IGF2R: variants seen among roughly 807,000 people sequenced by gnomAD.
The protein encoded by IGF2R is insulin like growth factor 2 receptor.
IGF2R carries 91 observed loss-of-function variants against 270.6 expected under a neutral mutation model. The ratio of observed to expected loss-of-function variants is 0.34; its 90% CI spans 0.28 to 0.40. IGF2R has a LOEUF of 0.40. IGF2R is among the 10% of genes least tolerant of loss of function. The pLI is 1.00. For synonymous variants in IGF2R, 1,316 were observed against 1,258.9 expected, an observed-to-expected ratio of 1.05 and a Z score of -0.96; for missense variants, 2,805 against 3,188.3, an observed-to-expected ratio of 0.88 and a Z score of 2.90.
intron 19 of IGF2R, among the ~76,000 whole-genome samples, chr6:160,055,821 G>T (rs1399343458): frequency 6.6e-6 from 1 of 152,186 alleles, no homozygotes; most frequent in East Asian, 1.9e-4. Context: ...AGCTACCATT[G>T]CCTGTGTGGT....
At chr6:160,020,483 G>A (rs1777407749) in intron 4 of IGF2R, among the ~76,000 whole-genome samples, 1 of 152,078 alleles carries the variant, frequency 6.6e-6, no homozygotes, top group African/African-American at 2.4e-5. Flanking sequence ...AATCTTAATA[G>A]CCAAACCAAT....
chr6:160,017,569 G>T (rs1175433406), intron 4 of IGF2R, among the ~76,000 whole-genome samples: 1 of 152,158 alleles, frequency 6.6e-6, no homozygotes, highest in African/African-American at 2.4e-5. Flanking sequence ...CCATGAGACT[G>T]TATGAGGTCA....
intron 44 of IGF2R, chr6:160,093,080 C>T (rs1779265981): frequency 2.0e-5 from 3 of 152,628 alleles, no homozygotes; most frequent in African/African-American, 7.2e-5. Flanking sequence ...AACCAAGATG[C>T]ACACAGGGCA....
rs372347541 is a variant in IGF2R, at chr6:160,050,632, G to T, written c.2674G>T (p.Val892Phe). 6.2e-7 allele frequency: 1 copy of T among 1,608,574 alleles called. No individual in the cohort carries two copies. The highest frequency in any genetic ancestry group is 8.5e-7 in the Non-Finnish European group (1 of 1,175,632). The change falls in exon 19 of 48, where the codon GTC becomes TTC. Residue 892 changes from valine to phenylalanine, a missense_variant. Val to Phe is a conservative substitution (Grantham distance 50, BLOSUM62 -1). This residue lies in a region of IGF2R where 1,851 missense variants were observed against 2,207.2 expected (regional missense o/e 0.84). Coordinates refer to ENST00000356956, the MANE Select transcript of IGF2R (RefSeq NM_000876.4). This position sits in a 1 kb window ranked among gnomAD's most constrained non-coding sequence, Gnocchi z 4.0. ...CACATATACCACGAGGATCCATCTC[G>T]TCTGCTCCAGGGGCAGGCTGGTAAG... ...QTTYTTRIHL[V>F]CSRGRLNSHP...
intron 4 of IGF2R, among the ~76,000 whole-genome samples, chr6:160,013,690 C>T (rs1356356986): frequency 1.3e-5 from 2 of 152,034 alleles, no homozygotes; most frequent in Admixed American, 6.6e-5. Context: ...TTTCAGGGAG[C>T]CTATAGACTA....
intron 1 of IGF2R, among the ~76,000 whole-genome samples, chr6:159,979,140 G>A (rs1166649930): frequency 1.3e-5 from 2 of 152,192 alleles, no homozygotes; most frequent in African/African-American, 4.8e-5. Context: ...TGGGAGGAGA[G>A]AGCTCCTTCA....
chr6:159,977,864 C>T (rs1783718629), intron 1 of IGF2R, among the ~76,000 whole-genome samples: 1 of 151,606 alleles, frequency 6.6e-6, no homozygotes, highest in Non-Finnish European at 1.5e-5. Flanking sequence ...GGGATGCTAA[C>T]CGTGTTGTAG....
chr6:160,039,974 C>T (rs1471276372), intron 10 of IGF2R, among the ~76,000 whole-genome samples: 2 of 152,162 alleles, frequency 1.3e-5, no homozygotes, highest in East Asian at 3.9e-4. Context: ...CACAGAATTT[C>T]AGCACTGTTT....
intron 34 of IGF2R, 133 bp downstream of exon 34, chr6:160,073,602 G>A (rs1231054534): frequency 8.5e-7 from 1 of 1,180,038 alleles, no homozygotes; most frequent in African/African-American, 1.5e-5. Flanking sequence ...CAATAATAAA[G>A]TTGACTGGAA....
At chr6:159,984,961 G>A (rs967388439) in intron 1 of IGF2R, among the ~76,000 whole-genome samples, 1 of 152,220 alleles carries the variant, frequency 6.6e-6, no homozygotes, top group African/African-American at 2.4e-5. Flanking sequence ...TCATGGGTAT[G>A]TATGTAAAGG....
rs754534312 is a variant in IGF2R at position 160,068,377 on chromosome 6, C to A, written c.4244C>A (p.Ala1415Asp). ...INVCKSLAPQ[A>D]GTEPCPPEAA... is the part of the protein sequence containing the mutation. ...GTCTGCAAGTCTCTGGCCCCGCAGG[C>A]TGGCACTGGTGAGAGAGGGCCTCCT... Residue 1415 changes from alanine (A) to aspartate (D), a missense_variant, in exon 30 of 48, where the codon GCT becomes GAT. By Grantham distance (126) the Ala-to-Asp change is moderately radical. Transcript: ENST00000356956. The A allele has an allele frequency of 1.2e-6, 2 of 1,613,994 alleles. No homozygotes were observed. The highest frequency in any genetic ancestry group is 2.2e-5 in the East Asian group (1 of 44,888).
rs1162513352 is a variant in IGF2R, at chr6:160,109,178, C to G, written c.*4094C>G. ...GTGAATGGGGTTATTGGTTGTCACA[C>G]CTGGGAGAGTGAAAATGAGGGGCTC... is the stretch of plus-strand genomic sequence containing the variant. On this transcript the variant is annotated 3_prime_UTR_variant, in exon 48 of 48. Transcript: ENST00000356956. 6.6e-6 allele frequency: 1 copy of G among 152,156 alleles called. No individual in the cohort carries two copies. The highest frequency in any genetic ancestry group is 1.5e-5 in the Non-Finnish European group (1 of 68,022). 9.4% of individuals were successfully genotyped at this position (152,156 alleles called of 1,614,324 possible). A position where few individuals can be genotyped will look rare whatever the true frequency, so the allele number is the denominator to read the frequency against.
chr6:160,065,738 T>C (rs1778556423), intron 29 of IGF2R, among the ~76,000 whole-genome samples: 1 of 150,002 alleles, frequency 6.7e-6, no homozygotes, highest in Non-Finnish European at 1.5e-5. Context: ...GAATAAAATT[T>C]TGATTTTCTT....
intron 7 of IGF2R, among the ~76,000 whole-genome samples, chr6:160,030,173 A>G (rs574837002): frequency 1.3e-4 from 20 of 152,174 alleles, no homozygotes; most frequent in Non-Finnish European, 2.2e-4. Flanking sequence ...GCGCAGCTGT[A>G]AACTCTTCGA....
intron 39 of IGF2R, among the ~76,000 whole-genome samples, chr6:160,083,219 A>T (rs1310836319): frequency 6.6e-6 from 1 of 152,244 alleles, no homozygotes; most frequent in Non-Finnish European, 1.5e-5. Context: ...AAGGGATGGT[A>T]CTATGCCTGG....
intron 12 of IGF2R, 31 bp from the exon 13 acceptor site, chr6:160,044,483 A>G (rs566915318): frequency 5.2e-6 from 8 of 1,542,038 alleles, no homozygotes; most frequent in East Asian, 2.2e-5. Flanking sequence ...TTTTAACCAC[A>G]TCTTCTGTTT....
chr6:159,971,804 C>T (rs574101689), intron 1 of IGF2R, among the ~76,000 whole-genome samples: 10 of 152,222 alleles, frequency 6.6e-5, no homozygotes, highest in Non-Finnish European at 1.2e-4. Context: ...TGTGCCACCC[C>T]ACTTGGCTTA....
chr6:159,979,552 G>A (rs1783747314), intron 1 of IGF2R, among the ~76,000 whole-genome samples: 1 of 152,234 alleles, frequency 6.6e-6, no homozygotes, highest in Non-Finnish European at 1.5e-5. Flanking sequence ...CATGCGGAGG[G>A]AGAGGAGAGC....
At chr6:160,055,025 C>T (rs189090584) in intron 19 of IGF2R, among the ~76,000 whole-genome samples, 11 of 152,182 alleles carry the variant, frequency 7.2e-5, no homozygotes, top group South Asian at 2.1e-4. Context: ...TTGAAGATCT[C>T]GGTGATCAGG....
Sources: allele counts gnomAD v4.1 joint callset (sites outside exome capture counted in the v4.1 genomes callset), GRCh38; gene constraint gnomAD v4.1.1; regional missense constraint gnomAD v4.1.1; non-coding constraint Gnocchi (gnomAD v3.1); transcripts MANE v1.5; gene names NCBI Gene and HGNC (gene_info 2026-07-23, HGNC 2026-07-21).